SCLY: variants seen among roughly 807,000 people sequenced by gnomAD.
SCLY encodes selenocysteine lyase.
SCLY carries 38 observed loss-of-function variants against 50.1 expected under a neutral mutation model. The observed-to-expected ratio is 0.76, with a 90% confidence interval of 0.59 to 0.99. The LOEUF (loss-of-function observed/expected upper bound fraction) is 0.99. SCLY is among the 50% of genes least tolerant of loss of function. SCLY has a pLI of 0.00. For missense variants in SCLY, 600 were observed against 620.0 expected (o/e 0.97, Z 0.34); for synonymous variants, 243 against 249.4 (o/e 0.97, Z 0.24).
intron 8 of SCLY, chr2:238,092,955 CT>C (rs1362990268): frequency 1.3e-5 from 2 of 152,838 alleles, no homozygotes; most frequent in Admixed American, 1.3e-4. Context: ...CAGCTAGGCC[CT>C]GGCCCATGTC....
At chr2:238,092,493 G>T (rs2065374635) in intron 8 of SCLY, 1 of 152,262 alleles carries the variant, frequency 6.6e-6, no homozygotes, top group Admixed American at 6.5e-5. Context: ...ATCCTGGCTT[G>T]AAGCTTCACT....
chr2:238,094,631 G>C, intron 10 of SCLY, 109 bp downstream of exon 10: 2 of 956,360 alleles, frequency 2.1e-6, no homozygotes, highest in Non-Finnish European at 3.3e-6. Flanking sequence ...GCATGACACA[G>C]CTCGGGCTGT....
rs2065404521 is a variant in SCLY, at chr2:238,094,510, C to T, written c.1096C>T (p.Pro366Ser). The change falls in exon 10 of 12, where the codon CCC becomes TCC. Residue 366 changes from proline to serine, a missense_variant. Transcript: ENST00000254663. Reference protein sequence around the residue: ...PNTCNFSIRGPRLQGHVVLAQ... With the variant: ...PNTCNFSIRGSRLQGHVVLAQ... ...TACCTGTAACTTTTCCATCCGGGGACCCCGGCTTCAAGGTGATGGCCCCTC... is the reference window on the plus strand; with the variant it reads ...TACCTGTAACTTTTCCATCCGGGGATCCCGGCTTCAAGGTGATGGCCCCTC... 1 of 1,613,874 alleles carries T rather than the reference C, an allele frequency of 6.2e-7. No individual in the cohort carries two copies. The highest frequency in any genetic ancestry group is 1.3e-5 in the African/African-American group (1 of 74,944).
chr2:238,068,128 A>G lies in SCLY; in HGVS notation c.266A>G (p.Lys89Arg). The G allele has an allele frequency of 1.2e-6, 2 of 1,611,566 alleles. No homozygotes were observed. The highest frequency in any genetic ancestry group is 1.1e-5 in the South Asian group (1 of 90,350). The change falls in exon 3 of 12, where the codon AAA (lysine) becomes AGA (arginine). Residue 89 changes from lysine to arginine, a missense_variant. By Grantham distance (26) the Lys-to-Arg change is conservative (BLOSUM62 2). Coordinates refer to ENST00000254663, the MANE Select transcript of SCLY (RefSeq NM_016510.7). ...RESLAKMIGG[K>R]PQDIIFTSGG... Reference sequence around the variant, plus strand: ...AGCCTCGCGAAGATGATAGGGGGGAAACCTCAAGATATAATCTTCACTTCC... The same window carrying G: ...AGCCTCGCGAAGATGATAGGGGGGAGACCTCAAGATATAATCTTCACTTCC...
chr2:238,093,989 G>A, intron 9 of SCLY, 45 bp downstream of exon 9: 1 of 1,551,000 alleles, frequency 6.4e-7, no homozygotes, highest in Non-Finnish European at 8.8e-7. Flanking sequence ...AGGGTGCGTG[G>A]GGCAGGTGCC....
chr2:238,071,846 A>G (rs2065130905), intron 4 of SCLY, among the ~76,000 whole-genome samples: 1 of 152,160 alleles, frequency 6.6e-6, no homozygotes, highest in African/African-American at 2.4e-5. Context: ...CTCTGTCTCC[A>G]CACATCCCAG....
At position 238,099,384 on chromosome 2, in the gene SCLY, A is replaced by T. The variant is rs1334330921; in HGVS notation, c.*1029A>T. 1.9e-5 allele frequency: 9 copies of T among 464,874 alleles called. No individual in the cohort carries two copies. In the Admixed American group the frequency reaches 2.2e-4, roughly 11 times the overall value. 28.8% of individuals were successfully genotyped at this position (464,874 alleles called of 1,614,324 possible). ...TTGAGGAAACACTTGCCAGAAACTAAATTAACGAATAAAAGATTTCAGTGC... is the reference window on the plus strand; with the variant it reads ...TTGAGGAAACACTTGCCAGAAACTATATTAACGAATAAAAGATTTCAGTGC... On this transcript the variant is annotated 3_prime_UTR_variant, in exon 12 of 12. Transcript: ENST00000254663.
intron 7 of SCLY, among the ~76,000 whole-genome samples, chr2:238,087,967 C>CTA (rs905179121): frequency 2.0e-4 from 31 of 152,208 alleles, no homozygotes; most frequent in South Asian, 1.5e-3. Flanking sequence ...TGGTACATGC[C>CTA]TATAATCCCA....
At position 238,093,978 on chromosome 2, in the gene SCLY, G is replaced by T. The variant is rs757225685; in HGVS notation, c.1005+34G>T. On this transcript the variant is annotated intron_variant, in intron 9 of 11. Transcript: ENST00000254663. ...AGCGTGGGGTGGGCACCAGGAGGGGGAGGGTGCGTGGGGCAGGTGCCCAGA... is the reference window on the plus strand; with the variant it reads ...AGCGTGGGGTGGGCACCAGGAGGGGTAGGGTGCGTGGGGCAGGTGCCCAGA... 4 of 1,585,418 alleles carry T rather than the reference G, an allele frequency of 2.5e-6. No individual in the cohort carries two copies. The African/African-American group carries it at 5.4e-5, about 21-fold the overall frequency.
chr2:238,084,893 C>CAA (rs377025100), intron 7 of SCLY, among the ~76,000 whole-genome samples: 1 of 107,510 alleles, frequency 9.3e-6, no homozygotes, highest in Non-Finnish European at 1.8e-5. Flanking sequence ...GACTCCATCT[C>CAA]AAAAAAAAAA....
At chr2:238,096,323 T>C (rs778586215) in intron 10 of SCLY, 5 of 217,890 alleles carry the variant, frequency 2.3e-5, no homozygotes, top group Non-Finnish European at 4.7e-5. Flanking sequence ...AGTGCTGGGA[T>C]TACAGGTGTA....
rs181325505 is a variant in SCLY at position 238,099,152 on chromosome 2, T to C, written c.*797T>C. On this transcript the variant is annotated 3_prime_UTR_variant, in exon 12 of 12. Transcript: ENST00000254663. ...GGGTTTCAGCTCCAACCTCGCTGAG[T>C]TGGTGCAGCTCCAGGTCATTCCTGG... The C allele has an allele frequency of 2.3e-5, 10 of 429,034 alleles. No homozygotes were observed. Among genetic ancestry groups the C allele is most frequent in the Middle Eastern group, 3.5e-4 (1 of 2,890 alleles). 26.6% of individuals were successfully genotyped at this position (429,034 alleles called of 1,614,324 possible).
chr2:238,089,617 T>G (rs1013906262), intron 7 of SCLY, among the ~76,000 whole-genome samples: 2 of 150,608 alleles, frequency 1.3e-5, no homozygotes, highest in Non-Finnish European at 1.5e-5. Context: ...GCATAAACTT[T>G]CTTAAAACAT....
chr2:238,098,612 C>A lies in SCLY; in HGVS notation c.*257C>A. Reference sequence around the variant, plus strand: ...ACATAGGACCGCCCACATAGGACCGCCCACATGGGACCGCCCACATGGGAC... The same window carrying A: ...ACATAGGACCGCCCACATAGGACCGACCACATGGGACCGCCCACATGGGAC... On this transcript the variant is annotated 3_prime_UTR_variant, in exon 12 of 12. Transcript: ENST00000254663. 2.4e-6 allele frequency: 1 copy of A among 410,644 alleles called. No homozygotes were observed. The highest frequency in any genetic ancestry group is 4.3e-6 in the Non-Finnish European group (1 of 231,712). 25.4% of individuals were successfully genotyped at this position (410,644 alleles called of 1,614,324 possible). A position where few individuals can be genotyped will look rare whatever the true frequency, so the allele number is the denominator to read the frequency against.
rs1574712343 is a variant in SCLY, at chr2:238,089,644, T to G, written c.885-1574T>G. ...TTAAAACATTGATTTTTTTTTTTTT[T>G]GCGATTTTTTTTTTTTTTAAAGCTC... On this transcript the variant is annotated intron_variant, in intron 7 of 11. Transcript: ENST00000254663. Among the ~76,000 whole-genome samples, 4 of 124,656 alleles carry G rather than the reference T, an allele frequency of 3.2e-5. No individual in the cohort carries two copies. In the East Asian group the frequency reaches 8.3e-4, roughly 26 times the overall value. 81.8% of individuals were successfully genotyped at this position (124,656 alleles called of 152,430 possible). A position where few individuals can be genotyped will look rare whatever the true frequency, so the allele number is the denominator to read the frequency against.
In SCLY at chr2:238,098,288, G is replaced by T. The variant is rs201854250; in HGVS notation, c.1271G>T (p.Arg424Met). Residue 424 changes from arginine to methionine, a missense_variant, in exon 12 of 12, where the codon AGG (arginine) becomes ATG (methionine). Arg to Met is a moderately conservative substitution (Grantham distance 91). Transcript: ENST00000254663. ...LRLSVGRSTT[R>M]AEVDLVVQDL... Reference sequence around the variant, plus strand: ...CTCAGCGTGGGCCGCAGCACCACCAGGGCCGAGGTGGACCTCGTCGTGCAG... The same window carrying T: ...CTCAGCGTGGGCCGCAGCACCACCATGGCCGAGGTGGACCTCGTCGTGCAG... The T allele has an allele frequency of 1.8e-4, 287 of 1,609,434 alleles. No homozygotes were observed. In the East Asian group the frequency reaches 6.2e-3, roughly 35 times the overall value.
chr2:238,090,378 C>T (rs1189768432), intron 7 of SCLY, among the ~76,000 whole-genome samples: 1 of 152,200 alleles, frequency 6.6e-6, no homozygotes, highest in Non-Finnish European at 1.5e-5. Context: ...GGGCCGGGCG[C>T]AGTGGCTTAC....
At chr2:238,068,243 A>G (rs539726351) in intron 3 of SCLY, 78 bp downstream of exon 3, 399 of 1,120,268 alleles carry the variant, frequency 3.6e-4, no homozygotes, top group Middle Eastern at 1.6e-3. Flanking sequence ...TCCTTTTGCT[A>G]CATTTTCATT....
chr2:238,073,261 G>GT (rs977825144), intron 4 of SCLY, among the ~76,000 whole-genome samples: 2 of 152,172 alleles, frequency 1.3e-5, no homozygotes, highest in African/African-American at 4.8e-5. Flanking sequence ...GATTACTGTA[G>GT]TTTGTAGTAA....
Sources: allele counts gnomAD v4.1 joint callset (sites outside exome capture counted in the v4.1 genomes callset), GRCh38; gene constraint gnomAD v4.1.1; transcripts MANE v1.5; gene names NCBI Gene and HGNC (gene_info 2026-07-23, HGNC 2026-07-21).